Variants in FOXP1 observed in about 807,000 individuals in gnomAD.
The protein encoded by FOXP1 is forkhead box protein P1.
A neutral mutation model predicts 98.2 loss-of-function variants in FOXP1; 15 were observed. The observed-to-expected ratio is 0.15, with a 90% CI of 0.10 to 0.24. The LOEUF (loss-of-function observed/expected upper bound fraction) is 0.24. Among genes scored for constraint, FOXP1 ranks in the 10% least tolerant of loss-of-function variants. The probability of loss-of-function intolerance (pLI) is 1.00; values close to 1 mark genes in which losing one functional copy is unlikely to be tolerated. For synonymous variants in FOXP1, 371 were observed against 314.5 expected, an observed-to-expected ratio of 1.18 and a Z score of -1.90; for missense variants, 633 against 848.5, an observed-to-expected ratio of 0.75 and a Z score of 3.15.
intron 7 of FOXP1, chr3:71,064,690 G>T: frequency 1.8e-6 from 1 of 561,850 alleles, no homozygotes; most frequent in Non-Finnish European, 2.3e-6. Flanking sequence ...CGAGGATGAG[G>T]ATGATTTTTT....
chr3:71,327,450 C>G (rs971358087), intron 4 of FOXP1, among the ~76,000 whole-genome samples: 14 of 139,794 alleles, frequency 1.0e-4, no homozygotes, highest in Admixed American at 2.2e-4. Context: ...TGCAGTGGTG[C>G]GATCTCAGCT....
At chr3:71,282,909 T>C (rs1220552049) in intron 5 of FOXP1, among the ~76,000 whole-genome samples, 1 of 152,164 alleles carries the variant, frequency 6.6e-6, no homozygotes, top group African/African-American at 2.4e-5. Flanking sequence ...CAACAAGCTA[T>C]ACCTTCATCA....
intron 3 of FOXP1, among the ~76,000 whole-genome samples, chr3:71,438,016 A>G (rs2085538118): frequency 6.6e-6 from 1 of 152,228 alleles, no homozygotes; most frequent in Non-Finnish European, 1.5e-5. Context: ...TCCAGAAGAA[A>G]TGTATTTATG....
At chr3:71,512,096 T>C (rs1428945827) in intron 2 of FOXP1, among the ~76,000 whole-genome samples, 1 of 152,204 alleles carries the variant, frequency 6.6e-6, no homozygotes, top group Non-Finnish European at 1.5e-5. Context: ...TGCATCTTTA[T>C]ACGTGAGAAA....
At chr3:71,468,599 A>C (rs13100114) in intron 3 of FOXP1, among the ~76,000 whole-genome samples, 45,450 of 152,052 alleles carry the variant, frequency 0.3, 8,717 homozygotes, top group East Asian at 0.93. Flanking sequence ...CTATATGTTA[A>C]GTAGTTTCCA....
intron 5 of FOXP1, among the ~76,000 whole-genome samples, chr3:71,269,112 T>TTTTC (rs2070069126): frequency 6.6e-6 from 1 of 150,694 alleles, no homozygotes; most frequent in African/African-American, 2.4e-5. Flanking sequence ...TTTTTTTTTT[T>TTTTC]CATTTAATGG....
chr3:71,023,170 C>CA (rs2045654921), intron 11 of FOXP1, among the ~76,000 whole-genome samples: 1 of 152,192 alleles, frequency 6.6e-6, no homozygotes, highest in Admixed American at 6.5e-5. Flanking sequence ...CTGAGACAGG[C>CA]ACCGAGCATA....
chr3:71,016,159 A>G (rs2044446827), intron 11 of FOXP1, among the ~76,000 whole-genome samples: 1 of 152,212 alleles, frequency 6.6e-6, no homozygotes. Context: ...GAATAATACC[A>G]AAATAATTTA....
intron 5 of FOXP1, among the ~76,000 whole-genome samples, chr3:71,240,929 C>A (rs549905395): frequency 2.0e-5 from 3 of 151,602 alleles, no homozygotes; most frequent in Non-Finnish European, 2.9e-5. Flanking sequence ...CTTTTACCTT[C>A]GCTGGGCGCG....
At chr3:71,080,968 T>C (rs2054345012) in intron 7 of FOXP1, among the ~76,000 whole-genome samples, 1 of 152,242 alleles carries the variant, frequency 6.6e-6, no homozygotes, top group African/African-American at 2.4e-5. Context: ...CACTGGGTGA[T>C]CTTCACTTTG....
chr3:71,014,980 A>C (rs974602526), intron 12 of FOXP1, among the ~76,000 whole-genome samples: 3 of 138,300 alleles, frequency 2.2e-5, no homozygotes, highest in African/African-American at 8.2e-5. Flanking sequence ...ATCACACATC[A>C]GGGCCTGTCG....
chr3:71,372,801 C>T (rs2079438761), intron 3 of FOXP1, among the ~76,000 whole-genome samples: 1 of 152,176 alleles, frequency 6.6e-6, no homozygotes, highest in African/African-American at 2.4e-5. Context: ...ATGCACACGA[C>T]AAGATCAGTT....
At chr3:71,443,475 C>T (rs900067547) in intron 3 of FOXP1, among the ~76,000 whole-genome samples, 18 of 152,208 alleles carry the variant, frequency 1.2e-4, no homozygotes, top group Non-Finnish European at 2.2e-4. Flanking sequence ...TCACGTCTGT[C>T]GGTCTAACAA....
intron 6 of FOXP1, among the ~76,000 whole-genome samples, chr3:71,167,404 T>G (rs1263796847): frequency 2.0e-5 from 3 of 152,178 alleles, no homozygotes; most frequent in Non-Finnish European, 4.4e-5. Flanking sequence ...GCAAAATCCT[T>G]TAATAACAGG....
chr3:71,481,305 A>C (rs1023017683), intron 3 of FOXP1, among the ~76,000 whole-genome samples: 1 of 152,314 alleles, frequency 6.6e-6, no homozygotes, highest in East Asian at 1.9e-4. Context: ...AGGCACAGAG[A>C]GATATGACCT....
intron 3 of FOXP1, among the ~76,000 whole-genome samples, chr3:71,406,152 G>A (rs2082307549): frequency 6.6e-6 from 1 of 151,980 alleles, no homozygotes; most frequent in African/African-American, 2.4e-5. Flanking sequence ...TCATTTTGCT[G>A]TGTAACAAAT....
At chr3:71,460,510 C>T (rs2087971914) in intron 3 of FOXP1, among the ~76,000 whole-genome samples, 1 of 151,990 alleles carries the variant, frequency 6.6e-6, no homozygotes, top group South Asian at 2.1e-4. Context: ...AATCTCAGCT[C>T]ACTGCAATCT....
intron 6 of FOXP1, among the ~76,000 whole-genome samples, chr3:71,152,590 C>A (rs972758261): frequency 3.9e-5 from 6 of 152,110 alleles, no homozygotes; most frequent in Admixed American, 1.3e-4. Flanking sequence ...GGCTCTGACC[C>A]CCACACAGAC....
intron 11 of FOXP1, among the ~76,000 whole-genome samples, chr3:71,019,842 CA>C (rs201852927): frequency 1.2e-4 from 14 of 117,604 alleles, no homozygotes; most frequent in Middle Eastern, 4.2e-3. Context: ...GTCCCCCCCC[CA>C]AAAAAAACAA....
Sources: allele counts gnomAD v4.1 joint callset (sites outside exome capture counted in the v4.1 genomes callset), GRCh38; gene constraint gnomAD v4.1.1; transcripts MANE v1.5; gene names NCBI Gene and HGNC (gene_info 2026-07-23, HGNC 2026-07-21).